TRIM7: variants seen among roughly 807,000 people sequenced by gnomAD.
TRIM7 encodes the protein tripartite motif containing 7, also known as E3 ubiquitin-protein ligase TRIM7.
TRIM7 carries 32 observed loss-of-function variants against 37.9 expected under a neutral mutation model. The observed-to-expected ratio is 0.84, with a 90% CI of 0.64 to 1.13. TRIM7 has a LOEUF of 1.13. TRIM7 is among the 50% of genes most tolerant of loss of function. TRIM7 has a pLI of 0.00. For missense variants in TRIM7, 732 were observed against 714.0 expected, an observed-to-expected ratio of 1.03 and a Z score of -0.29; for synonymous variants, 351 against 321.3, an observed-to-expected ratio of 1.09 and a Z score of -0.99.
intron 2 of TRIM7, chr5:181,203,271 T>C: frequency 3.1e-6 from 4 of 1,291,732 alleles, no homozygotes; most frequent in South Asian, 5.1e-5. Flanking sequence ...TGTTACGTAA[T>C]ATCAGAGTGA....
rs1029271362 is a variant in TRIM7, at chr5:181,204,573, T to A, written c.522+16A>T. 5.1e-6 allele frequency: 7 copies of A among 1,373,320 alleles called. No homozygotes were observed. The African/African-American group carries it at 9.2e-5, about 18-fold the overall frequency. 85.1% of individuals were successfully genotyped at this position (1,373,320 alleles called of 1,614,324 possible). ...GGGTCCCGGGGACCCACGGGGTGGG[T>A]GGGGGCTGCGCTCACCTTGGCCTCC... On this transcript the variant is annotated intron_variant, in intron 1 of 6. Transcript: ENST00000274773.
intron 5 of TRIM7, among the ~76,000 whole-genome samples, 158 bp downstream of exon 5, chr5:181,198,532 G>T (rs1757277521): frequency 6.6e-6 from 1 of 152,156 alleles, no homozygotes; most frequent in South Asian, 2.1e-4. Flanking sequence ...GGCCTGACTA[G>T]ATTTGCCACC....
At chr5:181,203,260 A>G (rs1757618541) in intron 2 of TRIM7, 1 of 1,254,870 alleles carries the variant, frequency 8.0e-7, no homozygotes, top group African/African-American at 1.5e-5. Flanking sequence ...CCTAACTGGT[A>G]TGTTACGTAA....
chr5:181,198,346 G>A, intron 5 of TRIM7, 128 bp from the exon 6 acceptor site: 1 of 996,408 alleles, frequency 1.0e-6, no homozygotes, highest in Non-Finnish European at 1.6e-6. Context: ...GAGTGAACGT[G>A]CAGGCACAGG....
intron 2 of TRIM7, among the ~76,000 whole-genome samples, chr5:181,201,757 C>A (rs554542110): frequency 2.4e-4 from 36 of 152,098 alleles, no homozygotes; most frequent in Admixed American, 7.2e-4. Context: ...ACAACAAAAA[C>A]GAATGTGGGG....
At position 181,203,594 on chromosome 5, in the gene TRIM7, T is replaced by TC; in HGVS notation, c.568dup (p.Asp190GlyfsTer3). 6.2e-7 allele frequency: 1 copy of TC among 1,613,924 alleles called. No homozygotes were observed. The highest frequency in any genetic ancestry group is 8.5e-7 in the Non-Finnish European group (1 of 1,179,978). ...TTCCGTGGACCGGAACACCTCACAG[T>TC]CCTCCAGTTCCTTCTTCAAGACCCT... On this transcript the variant is annotated frameshift_variant, in exon 2 of 7. Transcript: ENST00000274773. LOFTEE classifies it high-confidence loss of function.
In TRIM7 at chr5:181,204,883, C is replaced by T; in HGVS notation, c.228G>A (p.Leu76=). ...GAATRAPPFP[L]PCPQCREPAR... is the part of the protein sequence containing the mutation. The stretch of plus-strand genomic sequence containing the variant: ...CGGGCTCGCGGCACTGCGGACAGGG[C>T]AGTGGGAAGGGGGGCGCGCGGGTGG... The change falls in exon 1 of 7, where the codon CTG becomes CTA. Residue 76 remains leucine, a synonymous_variant. Transcript: ENST00000274773. 4 of 1,369,822 alleles carry T rather than the reference C, an allele frequency of 2.9e-6. No individual in the cohort carries two copies. Among genetic ancestry groups the T allele is most frequent in the Non-Finnish European group, 3.7e-6 (4 of 1,071,762 alleles). The allele number at this position is 1,369,822 out of a possible 1,614,324, so 84.9% of individuals were successfully genotyped here. A position where few individuals can be genotyped will look rare whatever the true frequency, so the allele number is the denominator to read the frequency against.
rs1219648137 is a variant in TRIM7 at position 181,204,939 on chromosome 5, C to G, written c.172G>C (p.Glu58Gln). The G allele has an allele frequency of 3.5e-6, 5 of 1,420,632 alleles. No individual in the cohort carries two copies. The highest frequency in any genetic ancestry group is 3.0e-5 in the African/African-American group (2 of 66,050). The allele number at this position is 1,420,632 out of a possible 1,614,324, so 88.0% of individuals were successfully genotyped here. ...CCAACAGACCCCGCGCCCGGGCGCT[C>G]CCAGCAGCGCCCTATGCAGGCGCGG... is the stretch of plus-strand genomic sequence containing the variant. ...FCRACIGRCW[E>Q]RPGAGSVGAA... Residue 58 changes from glutamate to glutamine, a missense_variant, in exon 1 of 7, where the codon GAG (glutamate) becomes CAG (glutamine). Coordinates refer to ENST00000274773, the MANE Select transcript of TRIM7 (RefSeq NM_203293.3).
chr5:181,203,543 AC>A lies in TRIM7; in HGVS notation c.618+1del, dbSNP rs1317112864. 6.2e-7 allele frequency: 1 copy of A among 1,614,034 alleles called. No individual in the cohort carries two copies. The highest frequency in any genetic ancestry group is 1.3e-5 in the African/African-American group (1 of 74,912). ...CGGGGGGCCTGCGGGTGCCTGGCTCACCAGCAGCTCCTTGCTCTCCTTCTTT... is the reference window on the plus strand; with the variant it reads ...CGGGGGGCCTGCGGGTGCCTGGCTCACAGCAGCTCCTTGCTCTCCTTCTTT... On this transcript the variant is annotated splice_donor_variant, in intron 2 of 6. Coordinates refer to ENST00000274773, the MANE Select transcript of TRIM7 (RefSeq NM_203293.3). LOFTEE classifies it high-confidence loss of function.
Position 181,199,735 on chromosome 5 carries a change from C to G in TRIM7, c.849+116G>C, listed in dbSNP as rs1757356996. 2.1e-6 allele frequency: 3 copies of G among 1,443,466 alleles called. No homozygotes were observed. In the East Asian group the frequency reaches 7.5e-5, roughly 36 times the overall value. 89.4% of individuals were successfully genotyped at this position (1,443,466 alleles called of 1,614,324 possible). A position where few individuals can be genotyped will look rare whatever the true frequency, so the allele number is the denominator to read the frequency against. On this transcript the variant is annotated intron_variant, in intron 3 of 6. Coordinates refer to ENST00000274773, the MANE Select transcript of TRIM7 (RefSeq NM_203293.3). ...AATCAGGGCACTTCTCTCCAGTCCC[C>G]TTCAGCTCCAGATCATGTGATTCTC...
rs185494747 is a variant in TRIM7 at position 181,198,956 on chromosome 5, C to T, written c.872+139G>A. On this transcript the variant is annotated intron_variant, in intron 4 of 6. Transcript: ENST00000274773. ...AAAAACCCATGGCCAGGCAGGTGGG[C>T]GTTTGTCTCGGAAGGTCCCCAGGCA... 307 of 1,252,088 alleles carry T rather than the reference C, an allele frequency of 2.5e-4. No individual in the cohort carries two copies. In the African/African-American group the frequency reaches 2.6e-3, roughly 11 times the overall value. The allele number at this position is 1,252,088 out of a possible 1,614,324, so 77.6% of individuals were successfully genotyped here. A position where few individuals can be genotyped will look rare whatever the true frequency, so the allele number is the denominator to read the frequency against.
chr5:181,198,455 A>G (rs1757271600), intron 5 of TRIM7, among the ~76,000 whole-genome samples: 1 of 152,118 alleles, frequency 6.6e-6, no homozygotes, highest in Non-Finnish European at 1.5e-5. Flanking sequence ...CTCTCTTCCT[A>G]ACCCCAGTCC....
At chr5:181,200,363 C>G (rs75962376) in intron 2 of TRIM7, 3 of 1,401,954 alleles carry the variant, frequency 2.1e-6, no homozygotes, top group Non-Finnish European at 2.8e-6. Context: ...ATACTCCCCC[C>G]AGAACTACGC....
At chr5:181,197,952 A>G (rs1029703632) in intron 6 of TRIM7, 96 of 575,542 alleles carry the variant, frequency 1.7e-4, no homozygotes, top group African/African-American at 1.6e-3. Flanking sequence ...CTCGAGGTAC[A>G]GGGCATTCCT....
intron 2 of TRIM7, chr5:181,200,632 G>A (rs1226851047): frequency 1.2e-5 from 12 of 1,003,152 alleles, no homozygotes; most frequent in Non-Finnish European, 1.4e-5. Flanking sequence ...AGTGACCAGA[G>A]GTAGCAGCAC....
At chr5:181,199,680 C>T (rs990877345) in intron 3 of TRIM7, 171 bp downstream of exon 3, 2 of 1,105,282 alleles carry the variant, frequency 1.8e-6, no homozygotes, top group Admixed American at 6.1e-5. Context: ...AGAAAGTTTT[C>T]ACATCTCTCT....
intron 2 of TRIM7, chr5:181,200,371 C>A (rs777681797): frequency 5.0e-6 from 7 of 1,389,264 alleles, no homozygotes; most frequent in Non-Finnish European, 6.5e-6. Context: ...CCCAGAACTA[C>A]GCCAAGCTGC....
rs776110777 is a variant in TRIM7 at position 181,193,933 on chromosome 5, A to G, written c.*1233T>C. Reference sequence around the variant, plus strand: ...AATGGGCCAAGCCAACTCCAAAGACAGCTCATAGTTTCATTTTCATCTCCT... The same window carrying G: ...AATGGGCCAAGCCAACTCCAAAGACGGCTCATAGTTTCATTTTCATCTCCT... On this transcript the variant is annotated 3_prime_UTR_variant, in exon 7 of 7. Transcript: ENST00000274773. The G allele has an allele frequency of 7.1e-6, 1 of 140,948 alleles. No individual in the cohort carries two copies. The highest frequency in any genetic ancestry group is 1.5e-5 in the Non-Finnish European group (1 of 67,800). 8.7% of individuals were successfully genotyped at this position (140,948 alleles called of 1,614,324 possible). A position where few individuals can be genotyped will look rare whatever the true frequency, so the allele number is the denominator to read the frequency against.
chr5:181,203,733 G>A, intron 1 of TRIM7, 93 bp from the exon 2 acceptor site: 2 of 1,515,074 alleles, frequency 1.3e-6, no homozygotes, highest in Non-Finnish European at 1.8e-6. Context: ...AGAAAGGGAA[G>A]GCCCTGCTCA....
Sources: gnomAD v4.1 joint callset for allele counts (sites outside exome capture counted in the v4.1 genomes callset) on GRCh38, gnomAD v4.1.1 for gene constraint, MANE v1.5 for transcripts, NCBI Gene and HGNC (gene_info 2026-07-23, HGNC 2026-07-21) for gene names.